The following CXCL17 variants were observed in gnomAD, a reference collection of about 807,000 sequenced individuals.
CXCL17 encodes C-X-C motif chemokine ligand 17.
CXCL17 carries 9 observed loss-of-function variants against 15.5 expected under a neutral mutation model. The ratio of observed to expected loss-of-function variants is 0.58; its 90% CI spans 0.35 to 1.01. CXCL17 has a LOEUF of 1.01. CXCL17 is among the 50% of genes least tolerant of loss of function. The pLI, the probability that CXCL17 is intolerant of heterozygous loss-of-function variation, is 0.02. For missense variants in CXCL17, 133 were observed against 138.2 expected, an observed-to-expected ratio of 0.96 and a Z score of 0.19; for synonymous variants, 52 against 52.3, an observed-to-expected ratio of 0.99 and a Z score of 0.02.
At chr19:42,441,564 G>A (rs2040892331) in intron 1 of CXCL17, among the ~76,000 whole-genome samples, 1 of 152,130 alleles carries the variant, frequency 6.6e-6, no homozygotes, top group African/African-American at 2.4e-5. Context: ...TCAGAACAGT[G>A]GTCTAGGCCC....
chr19:42,436,274 A>G (rs982284441), intron 1 of CXCL17, among the ~76,000 whole-genome samples: 2 of 152,140 alleles, frequency 1.3e-5, no homozygotes, highest in Non-Finnish European at 2.9e-5. Context: ...GGGTTGCGTC[A>G]TTTCCCCAAG....
intron 1 of CXCL17, among the ~76,000 whole-genome samples, chr19:42,436,816 C>T (rs966970009): frequency 6.6e-6 from 1 of 152,128 alleles, no homozygotes; most frequent in Non-Finnish European, 1.5e-5. Flanking sequence ...GTTCTTGTAA[C>T]TGTTTTCCAA....
At chr19:42,433,302 G>C (rs1199671722) in intron 2 of CXCL17, among the ~76,000 whole-genome samples, 1 of 152,180 alleles carries the variant, frequency 6.6e-6, no homozygotes, top group Non-Finnish European at 1.5e-5. Context: ...TTTGGGCAAG[G>C]GTTTGGTGGC....
At chr19:42,433,653 G>T in intron 2 of CXCL17, 123 bp downstream of exon 2, 1 of 774,080 alleles carries the variant, frequency 1.3e-6, no homozygotes, top group Non-Finnish European at 2.2e-6. Flanking sequence ...CATGTGGCAG[G>T]CTGTGGAGAG....
At chr19:42,435,898 AGAG>A (rs1600161989) in intron 1 of CXCL17, among the ~76,000 whole-genome samples, 1 of 151,830 alleles carries the variant, frequency 6.6e-6, no homozygotes. Flanking sequence ...CTTGAAGATA[AGAG>A]GAGAAGTCCA....
At position 42,433,011 on chromosome 19, in the gene CXCL17, G is replaced by A. The variant is rs1404071691; in HGVS notation, c.227C>T (p.Pro76Leu). Residue 76 changes from proline (P) to leucine (L), a missense_variant, in exon 3 of 4, where the codon CCC becomes CTC. Physicochemically the swap from Pro to Leu is moderately conservative, Grantham distance 98. Coordinates refer to ENST00000601181, the MANE Select transcript of CXCL17 (RefSeq NM_198477.3). ...CACATTGCCCTTGAAATGATCACAG[G>A]GGCACTGCTTCTTTGGCAGCCCAGA... The part of the protein sequence containing the change: ...TVSGLPKKQC[P>L]CDHFKGNVKK... 3.7e-6 allele frequency: 6 copies of A among 1,613,966 alleles called. No homozygotes were observed. The highest frequency in any genetic ancestry group is 5.1e-6 in the Non-Finnish European group (6 of 1,179,964).
intron 3 of CXCL17, among the ~76,000 whole-genome samples, chr19:42,431,741 A>G (rs1366835741): frequency 1.3e-5 from 2 of 151,678 alleles, no homozygotes; most frequent in South Asian, 2.1e-4. Context: ...GGATCTTGCT[A>G]TGTTGCCCAG....
chr19:42,430,138 G>C (rs989589740), intron 3 of CXCL17, among the ~76,000 whole-genome samples: 16 of 151,812 alleles, frequency 1.1e-4, no homozygotes, highest in African/African-American at 2.2e-4. Flanking sequence ...CTGGGTGACA[G>C]AGCAAGACCT....
Position 42,433,097 on chromosome 19 carries a change from G to A in CXCL17, c.161-20C>T. On this transcript the variant is annotated intron_variant, in intron 2 of 3. Transcript: ENST00000601181. ...ACCAATCTGGAACAACAGCATTGCT[G>A]CTTAGATGGGAGAGTTAATACATTT... The A allele has an allele frequency of 6.5e-7, 1 of 1,539,792 alleles. No homozygotes were observed. Among genetic ancestry groups the A allele is most frequent in the Non-Finnish European group, 9.0e-7 (1 of 1,114,038 alleles).
intron 1 of CXCL17, among the ~76,000 whole-genome samples, chr19:42,434,402 T>A (rs2040813003): frequency 6.6e-6 from 1 of 152,152 alleles, no homozygotes; most frequent in Non-Finnish European, 1.5e-5. Context: ...AGATTTTCCC[T>A]TGACCTCCAA....
At chr19:42,436,058 A>AGATCATATGGTTC (rs1487808626) in intron 1 of CXCL17, among the ~76,000 whole-genome samples, 16 of 149,190 alleles carry the variant, frequency 1.1e-4, no homozygotes, top group African/African-American at 3.9e-4. Context: ...CATTCCTAGC[A>AGATCATATGGTTC]AACTAAAATA....
intron 1 of CXCL17, among the ~76,000 whole-genome samples, chr19:42,437,697 T>C (rs2040847008): frequency 6.6e-6 from 1 of 152,220 alleles, no homozygotes. Context: ...AGTGAGTGTC[T>C]ATGCTGGAAT....
In CXCL17 at chr19:42,428,953, G is replaced by C; in HGVS notation, c.291C>G (p.Asn97Lys). 6.2e-7 allele frequency: 1 copy of C among 1,614,116 alleles called. No homozygotes were observed. Among genetic ancestry groups the C allele is most frequent in the Non-Finnish European group, 8.5e-7 (1 of 1,179,992 alleles). ...ATTGCTGGCAGGCTCTGGAATGCTT[G>C]TTTGGCTTTCTGTGGTGCCTTTGGT... ...TRHQRHHRKP[N>K]KHSRACQQFL... The change falls in exon 4 of 4, where the codon AAC becomes AAG. Residue 97 changes from asparagine (N) to lysine (K), a missense_variant. Transcript: ENST00000601181.
At chr19:42,434,595 GT>G (rs1018040975) in intron 1 of CXCL17, among the ~76,000 whole-genome samples, 100 of 152,014 alleles carry the variant, frequency 6.6e-4, no homozygotes, top group Admixed American at 6.3e-3. Context: ...CTCCTGGCTA[GT>G]TTTTTGTATT....
At chr19:42,429,798 T>C (rs915454037) in intron 3 of CXCL17, among the ~76,000 whole-genome samples, 1 of 152,214 alleles carries the variant, frequency 6.6e-6, no homozygotes, top group Non-Finnish European at 1.5e-5. Context: ...TTCCATACCT[T>C]CTGGTATATA....
At chr19:42,433,121 T>A (rs1226573758) in intron 2 of CXCL17, 44 bp from the exon 3 acceptor site, 3 of 1,379,226 alleles carry the variant, frequency 2.2e-6, no homozygotes, top group African/African-American at 1.4e-5. Context: ...GTTAATACAT[T>A]TGATAGGAGG....
At chr19:42,438,669 A>G (rs1256804556) in intron 1 of CXCL17, among the ~76,000 whole-genome samples, 2 of 151,936 alleles carry the variant, frequency 1.3e-5, no homozygotes, top group Non-Finnish European at 2.9e-5. Context: ...TAGTCTGTAA[A>G]TATCATTCTC....
intron 1 of CXCL17, among the ~76,000 whole-genome samples, chr19:42,439,580 G>GC (rs2040872014): frequency 6.6e-6 from 1 of 152,118 alleles, no homozygotes. Context: ...GAGAAACCTG[G>GC]CAGACACCAC....
At chr19:42,434,511 C>T (rs905886583) in intron 1 of CXCL17, among the ~76,000 whole-genome samples, 43 of 152,280 alleles carry the variant, frequency 2.8e-4, no homozygotes, top group African/African-American at 9.4e-4. Flanking sequence ...TCACTGCAGC[C>T]TTGACCTCCT....
Sources: gnomAD v4.1 joint callset for allele counts (sites outside exome capture counted in the v4.1 genomes callset) on GRCh38, gnomAD v4.1.1 for gene constraint, MANE v1.5 for transcripts, NCBI Gene and HGNC (gene_info 2026-07-23, HGNC 2026-07-21) for gene names.